PDE4D: variants seen among roughly 807,000 people sequenced by gnomAD.
The protein encoded by PDE4D is 3',5'-cyclic-AMP phosphodiesterase 4D.
In PDE4D, 24 loss-of-function variants were observed where a neutral mutation model predicts 87.4. That is an observed-to-expected ratio of 0.27 (90% CI 0.20 to 0.39). The LOEUF (loss-of-function observed/expected upper bound fraction) is 0.39, where lower values mean the gene tolerates loss of function less well. PDE4D is among the 10% of genes least tolerant of loss of function. The probability of loss-of-function intolerance (pLI) is 1.00; values close to 1 mark genes in which losing one functional copy is unlikely to be tolerated. For synonymous variants in PDE4D, 384 were observed against 383.2 expected (o/e 1.00, Z -0.02); for missense variants, 714 against 1,041.0 (o/e 0.69, Z 4.32).
chr5:59,207,097 T>C (rs1297329804), intron 2 of PDE4D, among the ~76,000 whole-genome samples: 1 of 151,998 alleles, frequency 6.6e-6, no homozygotes, highest in African/African-American at 2.4e-5. Context: ...GGTGGGAGAA[T>C]CACTTGAGCC....
chr5:59,865,915 T>C (rs183468625), intron 1 of PDE4D, among the ~76,000 whole-genome samples: 2 of 152,346 alleles, frequency 1.3e-5, no homozygotes, highest in Admixed American at 1.3e-4. Flanking sequence ...ACCTAAGTCA[T>C]TCTGACAGGT....
intron 2 of PDE4D, among the ~76,000 whole-genome samples, chr5:59,214,155 A>G (rs1750732866): frequency 1.3e-5 from 2 of 151,872 alleles, no homozygotes; most frequent in South Asian, 4.2e-4. Context: ...GGTCTTCATC[A>G]TATTTAGCCT....
At chr5:59,445,582 T>C (rs537984514) in intron 1 of PDE4D, among the ~76,000 whole-genome samples, 1 of 152,300 alleles carries the variant, frequency 6.6e-6, no homozygotes, top group South Asian at 2.1e-4. Flanking sequence ...TAGTCAAAAT[T>C]ATTTGACATA....
intron 1 of PDE4D, among the ~76,000 whole-genome samples, chr5:59,518,573 G>T (rs1290464882): frequency 6.6e-6 from 1 of 152,092 alleles, no homozygotes; most frequent in Non-Finnish European, 1.5e-5. Context: ...AATGGTTTCA[G>T]TTCAACCCAT....
intron 1 of PDE4D, among the ~76,000 whole-genome samples, chr5:59,353,946 A>G (rs1467493435): frequency 6.6e-6 from 1 of 152,196 alleles, no homozygotes; most frequent in African/African-American, 2.4e-5. Flanking sequence ...CATTAAATGT[A>G]TATGATTTGC....
chr5:59,643,198 G>C (rs1741894404), intron 1 of PDE4D, among the ~76,000 whole-genome samples: 1 of 152,168 alleles, frequency 6.6e-6, no homozygotes, highest in Non-Finnish European at 1.5e-5. Context: ...AGAGCTTCCA[G>C]GTCCCAGCAT....
chr5:59,421,669 T>C (rs1448857854), intron 1 of PDE4D, among the ~76,000 whole-genome samples: 2 of 152,020 alleles, frequency 1.3e-5, no homozygotes, highest in Non-Finnish European at 2.9e-5. Flanking sequence ...TGAGAACAAC[T>C]GAAATAATTT....
intron 2 of PDE4D, among the ~76,000 whole-genome samples, chr5:60,156,879 G>A (rs1160425448): frequency 6.6e-6 from 1 of 152,028 alleles, no homozygotes; most frequent in African/African-American, 2.4e-5. Flanking sequence ...CCATGAAAGA[G>A]AGTTGTCATA....
chr5:59,034,759 T>G (rs1466322158), intron 6 of PDE4D, among the ~76,000 whole-genome samples: 4 of 152,182 alleles, frequency 2.6e-5, no homozygotes, highest in Non-Finnish European at 5.9e-5. Context: ...TGGAATGAAG[T>G]ATAGAAAAAT....
At chr5:59,419,580 G>T (rs1794152946) in intron 1 of PDE4D, among the ~76,000 whole-genome samples, 1 of 152,160 alleles carries the variant, frequency 6.6e-6, no homozygotes, top group African/African-American at 2.4e-5. Flanking sequence ...ATAAATACTT[G>T]CAGAAAGCTG....
intron 1 of PDE4D, among the ~76,000 whole-genome samples, chr5:60,329,622 G>A (rs1285326809): frequency 6.6e-6 from 1 of 152,104 alleles, no homozygotes; most frequent in Non-Finnish European, 1.5e-5. Context: ...TCTATTAAAT[G>A]GTTTTCTATG....
chr5:59,732,394 T>TCTCACACACA (rs1554072567), intron 1 of PDE4D, among the ~76,000 whole-genome samples: 1 of 146,128 alleles, frequency 6.8e-6, no homozygotes, highest in Non-Finnish European at 1.5e-5. Flanking sequence ...CAGGAGACAT[T>TCTCACACACA]CACACACACA....
intron 1 of PDE4D, among the ~76,000 whole-genome samples, chr5:59,762,673 T>A (rs2150790446): frequency 6.7e-6 from 1 of 148,854 alleles, no homozygotes; most frequent in Non-Finnish European, 1.5e-5. Context: ...GGTACGTATG[T>A]GTATATGTGT....
chr5:60,107,597 C>T (rs1007957404), intron 2 of PDE4D, among the ~76,000 whole-genome samples: 146 of 152,106 alleles, frequency 9.6e-4, no homozygotes, highest in Non-Finnish European at 1.9e-3. Context: ...AACATTGATG[C>T]AAAAATCCTC....
chr5:60,264,671 T>C (rs1291125856), intron 1 of PDE4D, among the ~76,000 whole-genome samples: 1 of 152,226 alleles, frequency 6.6e-6, no homozygotes, highest in African/African-American at 2.4e-5. Flanking sequence ...AACACTGAGA[T>C]GGCACTGAAC....
intron 1 of PDE4D, among the ~76,000 whole-genome samples, chr5:59,671,423 A>G (rs1054752705): frequency 1.3e-5 from 2 of 152,246 alleles, no homozygotes; most frequent in African/African-American, 4.8e-5. Flanking sequence ...AATACAAAGT[A>G]TCATATAGGA....
chr5:60,118,227 C>T (rs1173182664), intron 2 of PDE4D, among the ~76,000 whole-genome samples: 2 of 152,096 alleles, frequency 1.3e-5, no homozygotes, highest in African/African-American at 4.8e-5. Context: ...CTGAACTGAT[C>T]ACTGCAAGAG....
At chr5:59,407,233 GCTCT>G (rs975646507) in intron 1 of PDE4D, among the ~76,000 whole-genome samples, 1 of 151,920 alleles carries the variant, frequency 6.6e-6, no homozygotes, top group East Asian at 1.9e-4. Flanking sequence ...CTTCCTTCCC[GCTCT>G]CTCTCTTGCT....
chr5:59,615,947 C>T (rs1388675294), intron 1 of PDE4D, among the ~76,000 whole-genome samples: 3 of 152,000 alleles, frequency 2.0e-5, no homozygotes, highest in Non-Finnish European at 4.4e-5. Context: ...AACGTATTTT[C>T]CATAAGCATC....
Sources: allele counts gnomAD v4.1 joint callset (sites outside exome capture counted in the v4.1 genomes callset), GRCh38; gene constraint gnomAD v4.1.1; transcripts MANE v1.5; gene names NCBI Gene and HGNC (gene_info 2026-07-23, HGNC 2026-07-21).